Variants in RBFOX1 observed in about 807,000 individuals in gnomAD.
RBFOX1 encodes RNA binding protein fox-1 homolog 1.
RBFOX1 carries 8 observed loss-of-function variants against 57.7 expected under a neutral mutation model. That is an observed-to-expected ratio of 0.14 (90% CI 0.08 to 0.25). RBFOX1 has a LOEUF of 0.25. RBFOX1 is among the 10% of genes least tolerant of loss of function. The pLI, the probability that RBFOX1 is intolerant of heterozygous loss-of-function variation, is 1.00. For synonymous variants in RBFOX1, 326 were observed against 222.4 expected (o/e 1.47, Z -4.15); for missense variants, 611 against 548.5 (o/e 1.11, Z -1.14).
chr16:6,661,314 C>A (rs1466398517), intron 3 of RBFOX1, among the ~76,000 whole-genome samples: 3 of 152,136 alleles, frequency 2.0e-5, no homozygotes, highest in African/African-American at 7.2e-5. Flanking sequence ...CTATGAAAGG[C>A]CCTCCTGGCA....
chr16:6,969,166 G>A (rs576756791), intron 3 of RBFOX1, among the ~76,000 whole-genome samples: 1 of 152,004 alleles, frequency 6.6e-6, no homozygotes, highest in Non-Finnish European at 1.5e-5. Flanking sequence ...CCCCAAAATA[G>A]GTAACTTAAC....
At chr16:6,725,689 T>G (rs1044336080) in intron 3 of RBFOX1, among the ~76,000 whole-genome samples, 1 of 152,202 alleles carries the variant, frequency 6.6e-6, no homozygotes, top group African/African-American at 2.4e-5. Flanking sequence ...AAAAGAAGAG[T>G]TCAGATTAGT....
chr16:6,620,522 C>A (rs113192255), intron 2 of RBFOX1, among the ~76,000 whole-genome samples: 1 of 151,364 alleles, frequency 6.6e-6, no homozygotes, highest in Non-Finnish European at 1.5e-5. Context: ...GAGATAGACA[C>A]GAAAAACCAT....
At chr16:6,236,486 G>A (rs1004519288) in intron 1 of RBFOX1, among the ~76,000 whole-genome samples, 7 of 151,412 alleles carry the variant, frequency 4.6e-5, no homozygotes, top group African/African-American at 2.4e-5. Context: ...TCAGGCTGGA[G>A]TGCAGCAGCG....
intron 4 of RBFOX1, among the ~76,000 whole-genome samples, chr16:5,888,309 T>A (rs1482991328): frequency 6.6e-6 from 1 of 152,218 alleles, no homozygotes; most frequent in African/African-American, 2.4e-5. Context: ...CATCCCAAAG[T>A]GAGCATCTTC....
rs373003921 is a variant in RBFOX1, at chr16:7,425,401, A to G, written c.28-92746A>G. Among the ~76,000 whole-genome samples the G allele has an allele frequency of 2.6e-5, 4 of 152,286 alleles. No individual in the cohort carries two copies. In the East Asian group the frequency reaches 7.7e-4, roughly 29 times the overall value. ...ATTGCTTCATTTTTCCCTCAACCGG[A>G]TCATGTAATAGAAAACTTCCTCAAA... On this transcript the variant is annotated intron_variant, in intron 4 of 15. Transcript: ENST00000550418.
intron 2 of RBFOX1, among the ~76,000 whole-genome samples, chr16:6,594,706 G>A (rs906543478): frequency 1.3e-5 from 2 of 148,694 alleles, no homozygotes; most frequent in Non-Finnish European, 3.0e-5. Context: ...TTTTTTTTTT[G>A]AGATGTTTTT....
At chr16:6,933,288 A>G (rs1350078557) in intron 3 of RBFOX1, among the ~76,000 whole-genome samples, 1 of 152,124 alleles carries the variant, frequency 6.6e-6, no homozygotes, top group Non-Finnish European at 1.5e-5. Context: ...AGAGTAATTT[A>G]TTTATTTATT....
intron 1 of RBFOX1, among the ~76,000 whole-genome samples, chr16:5,449,099 C>T (rs2068341451): frequency 6.6e-6 from 1 of 152,150 alleles, no homozygotes; most frequent in Non-Finnish European, 1.5e-5. Context: ...GTGCACACTT[C>T]TAGCTCTGAA....
intron 3 of RBFOX1, among the ~76,000 whole-genome samples, chr16:6,786,200 T>C (rs371342058): frequency 3.4e-4 from 52 of 152,248 alleles, no homozygotes; most frequent in African/African-American, 1.2e-3. Flanking sequence ...TCCTCATTCC[T>C]TGGGGAGGGG....
intron 4 of RBFOX1, among the ~76,000 whole-genome samples, chr16:7,347,116 C>T (rs1451206909): frequency 6.6e-6 from 1 of 152,110 alleles, no homozygotes; most frequent in Non-Finnish European, 1.5e-5. Flanking sequence ...TGATTTTTGG[C>T]TTGTAAGGAC....
At chr16:6,798,629 C>T (rs547989865) in intron 3 of RBFOX1, among the ~76,000 whole-genome samples, 2 of 152,296 alleles carry the variant, frequency 1.3e-5, no homozygotes, top group South Asian at 2.1e-4. Flanking sequence ...TAGTGCCTTT[C>T]GTTTCTCTGG....
intron 3 of RBFOX1, among the ~76,000 whole-genome samples, chr16:5,686,565 A>T (rs529840033): frequency 6.6e-6 from 1 of 151,944 alleles, no homozygotes; most frequent in South Asian, 2.1e-4. Flanking sequence ...TTCTTTCTTG[A>T]CTTCTGATTA....
At chr16:6,749,375 C>T (rs2074448579) in intron 3 of RBFOX1, among the ~76,000 whole-genome samples, 1 of 152,162 alleles carries the variant, frequency 6.6e-6, no homozygotes, top group Admixed American at 6.5e-5. Flanking sequence ...GACATGAGTG[C>T]CACCATCCTT....
chr16:7,634,430 A>T (rs757926491), intron 11 of RBFOX1, among the ~76,000 whole-genome samples: 1 of 151,690 alleles, frequency 6.6e-6, no homozygotes, highest in Non-Finnish European at 1.5e-5. Context: ...TTCCTAGTCA[A>T]ATAGCTAATC....
intron 3 of RBFOX1, among the ~76,000 whole-genome samples, chr16:5,711,357 G>A (rs893737816): frequency 6.6e-6 from 1 of 152,212 alleles, no homozygotes; most frequent in African/African-American, 2.4e-5. Flanking sequence ...AAGTGGCAAA[G>A]CTTAGATCTA....
chr16:7,250,094 G>T (rs1032743055), intron 4 of RBFOX1, among the ~76,000 whole-genome samples: 1 of 152,244 alleles, frequency 6.6e-6, no homozygotes. Context: ...TTTTGAACCA[G>T]TTGTGTTTCC....
At chr16:6,253,257 T>A (rs2097635652) in intron 1 of RBFOX1, among the ~76,000 whole-genome samples, 1 of 152,176 alleles carries the variant, frequency 6.6e-6, no homozygotes, top group Admixed American at 6.5e-5. Context: ...TCTGATTGAC[T>A]TTCACCTAAC....
chr16:5,985,911 G>A (rs778399595), intron 4 of RBFOX1, among the ~76,000 whole-genome samples: 2 of 152,072 alleles, frequency 1.3e-5, no homozygotes, highest in Non-Finnish European at 2.9e-5. Context: ...AAGGCAAACC[G>A]GTGCTACTTT....
Sources: allele counts gnomAD v4.1 joint callset (sites outside exome capture counted in the v4.1 genomes callset), GRCh38; gene constraint gnomAD v4.1.1; transcripts MANE v1.5; gene names NCBI Gene and HGNC (gene_info 2026-07-23, HGNC 2026-07-21).